UNC13C: variants seen among roughly 807,000 people sequenced by gnomAD.
UNC13C encodes protein unc-13 homolog C.
A neutral mutation model predicts 245.4 loss-of-function variants in UNC13C; 174 were observed. The ratio of observed to expected loss-of-function variants is 0.71; its 90% confidence interval spans 0.63 to 0.80. The LOEUF (loss-of-function observed/expected upper bound fraction) is 0.80. UNC13C is among the 30% of genes least tolerant of loss of function. The pLI is 0.00. For missense variants in UNC13C, 2,829 were observed against 2,602.9 expected (o/e 1.09, Z -1.89); for synonymous variants, 992 against 895.1 (o/e 1.11, Z -1.93).
chr15:54,466,655 A>G (rs1892187571), intron 19 of UNC13C, among the ~76,000 whole-genome samples: 1 of 151,872 alleles, frequency 6.6e-6, no homozygotes, highest in African/African-American at 2.4e-5. Context: ...TTGGCAAATA[A>G]AAACAGACCC....
intron 19 of UNC13C, among the ~76,000 whole-genome samples, chr15:54,446,717 A>C (rs919027977): frequency 6.6e-6 from 1 of 152,180 alleles, no homozygotes; most frequent in Non-Finnish European, 1.5e-5. Context: ...TTCTAGATAT[A>C]CAATCATGTC....
intron 17 of UNC13C, among the ~76,000 whole-genome samples, chr15:54,385,053 A>T (rs886350429): frequency 2.6e-5 from 4 of 152,166 alleles, no homozygotes; most frequent in Non-Finnish European, 2.9e-5. Context: ...ACTATTACAC[A>T]CTGTTGGTGA....
chr15:54,073,096 A>C (rs34130711), intron 2 of UNC13C, among the ~76,000 whole-genome samples: 1 of 151,602 alleles, frequency 6.6e-6, no homozygotes, highest in Non-Finnish European at 1.5e-5. Flanking sequence ...GGGTTCTCAT[A>C]GTTCAACTCC....
chr15:54,363,247 T>G (rs1194298520), intron 17 of UNC13C, among the ~76,000 whole-genome samples: 1 of 152,196 alleles, frequency 6.6e-6, no homozygotes, highest in Non-Finnish European at 1.5e-5. Flanking sequence ...TAGCTGGGAT[T>G]ATAGACACAT....
rs1424692833 is a variant in UNC13C at position 54,410,506 on chromosome 15, A to C, written c.4848-4476A>C. Among the ~76,000 whole-genome samples, 4 of 151,998 alleles carry C rather than the reference A, an allele frequency of 2.6e-5. No individual in the cohort carries two copies. The East Asian group carries it at 7.8e-4, about 29-fold the overall frequency. On this transcript the variant is annotated intron_variant, in intron 18 of 32. Transcript: ENST00000260323. ...CTGGGTTCTTATAGTTTCCAGTTTTACATTGTCTTTAATTCATCTTGAGTT... is the reference window on the plus strand; with the variant it reads ...CTGGGTTCTTATAGTTTCCAGTTTTCCATTGTCTTTAATTCATCTTGAGTT...
intron 20 of UNC13C, 32 bp downstream of exon 20, chr15:54,494,766 G>GTAAA: frequency 6.3e-7 from 1 of 1,597,446 alleles, no homozygotes; most frequent in Non-Finnish European, 8.5e-7. Flanking sequence ...CACACCCTCA[G>GTAAA]ATCTAAATTC....
chr15:54,191,823 A>G (rs542229992), intron 4 of UNC13C, among the ~76,000 whole-genome samples: 1 of 151,878 alleles, frequency 6.6e-6, no homozygotes, highest in Admixed American at 6.6e-5. Context: ...CTTTTTTTTC[A>G]TATGTTTTTT....
At chr15:53,842,466 T>C in the UNC13C span, among the ~76,000 whole-genome samples, 1 of 152,156 alleles carries the variant, frequency 6.6e-6, no homozygotes, top group African/African-American at 2.4e-5. Flanking sequence ...TGACTCAGAA[T>C]TGGCTGATTA....
intron 2 of UNC13C, among the ~76,000 whole-genome samples, chr15:54,094,203 G>A (rs8028948): frequency 0.98 from 149,226 of 152,260 alleles, 73,203 homozygotes; most frequent in Middle Eastern, 1. Flanking sequence ...ACTGCTGTCT[G>A]AGACGTCTCC....
chr15:54,441,779 G>A (rs192574337), intron 19 of UNC13C, among the ~76,000 whole-genome samples: 12 of 151,866 alleles, frequency 7.9e-5, no homozygotes, highest in South Asian at 4.2e-4. Context: ...GTTGATTTAC[G>A]TGTATGATTG....
chr15:54,219,913 T>G, intron 4 of UNC13C, among the ~76,000 whole-genome samples: 1 of 151,430 alleles, frequency 6.6e-6, no homozygotes, highest in Non-Finnish European at 1.5e-5. Flanking sequence ...CTCACACCAG[T>G]TAGAATGGCA....
the UNC13C span, among the ~76,000 whole-genome samples, chr15:53,953,622 C>A: frequency 1.3e-5 from 2 of 152,182 alleles, no homozygotes; most frequent in Non-Finnish European, 2.9e-5. Flanking sequence ...AGACTGGAGG[C>A]AATGGCTCAG....
chr15:54,430,526 T>A (rs1426929666), intron 19 of UNC13C, among the ~76,000 whole-genome samples: 1 of 151,672 alleles, frequency 6.6e-6, no homozygotes, highest in Non-Finnish European at 1.5e-5. Context: ...TCAAACTCAT[T>A]AGCCTGTTAA....
chr15:54,515,500 T>G (rs1484269461), intron 24 of UNC13C, among the ~76,000 whole-genome samples: 1 of 152,192 alleles, frequency 6.6e-6, no homozygotes, highest in Non-Finnish European at 1.5e-5. Context: ...TGAAAAGGAC[T>G]TATCATTAAT....
chr15:54,327,489 A>G (rs894987419), intron 14 of UNC13C, among the ~76,000 whole-genome samples: 1 of 151,996 alleles, frequency 6.6e-6, no homozygotes, highest in Non-Finnish European at 1.5e-5. Flanking sequence ...AGTGATTTTC[A>G]TAAAATTTGG....
chr15:53,949,158 A>G, the UNC13C span, among the ~76,000 whole-genome samples: 153 of 152,276 alleles, frequency 1.0e-3, no homozygotes, highest in African/African-American at 3.4e-3. Context: ...CTTATTAAGA[A>G]CTTACCAATA....
intron 7 of UNC13C, among the ~76,000 whole-genome samples, chr15:54,246,779 G>A (rs1378057202): frequency 1.3e-5 from 2 of 151,952 alleles, no homozygotes; most frequent in Non-Finnish European, 2.9e-5. Flanking sequence ...AGGGAAAGCA[G>A]CAGGGAGAAT....
At chr15:54,417,883 C>A (rs775784789) in intron 19 of UNC13C, among the ~76,000 whole-genome samples, 3 of 151,994 alleles carry the variant, frequency 2.0e-5, no homozygotes, top group Non-Finnish European at 4.4e-5. Flanking sequence ...TAGAGCCAGG[C>A]AGTTGTACAT....
chr15:54,604,503 T>C (rs1242634268), intron 30 of UNC13C, among the ~76,000 whole-genome samples: 1 of 152,204 alleles, frequency 6.6e-6, no homozygotes, highest in African/African-American at 2.4e-5. Flanking sequence ...GGGGGATCAC[T>C]GATACCTCTT....
Sources: gnomAD v4.1 joint callset for allele counts (sites outside exome capture counted in the v4.1 genomes callset) on GRCh38, gnomAD v4.1.1 for gene constraint, MANE v1.5 for transcripts, NCBI Gene and HGNC (gene_info 2026-07-23, HGNC 2026-07-21) for gene names.